FBN1: variants seen among roughly 807,000 people sequenced by gnomAD.
The protein encoded by FBN1 is fibrillin-1.
FBN1 carries 29 observed loss-of-function variants against 365.1 expected under a neutral mutation model. The observed-to-expected ratio is 0.08, with a 90% CI of 0.06 to 0.11. The LOEUF (loss-of-function observed/expected upper bound fraction) is 0.11, where lower values mean the gene tolerates loss of function less well. Ranked by LOEUF, FBN1 falls within the 10% of genes least tolerant of loss-of-function variation. The pLI, the probability that FBN1 is intolerant of heterozygous loss-of-function variation, is 1.00. For synonymous variants in FBN1, 1,210 were observed against 1,270.5 expected, an observed-to-expected ratio of 0.95 and a Z score of 1.01; for missense variants, 2,476 against 3,703.2, an observed-to-expected ratio of 0.67 and a Z score of 8.60.
intron 56 of FBN1, 92 bp downstream of exon 56, chr15:48,430,579 A>G: frequency 6.7e-7 from 1 of 1,486,304 alleles, no homozygotes; most frequent in Non-Finnish European, 9.4e-7. Context: ...GGTCTCGCCA[A>G]GAACAGTATC....
chr15:48,566,327 T>G (rs1435688546), intron 6 of FBN1, among the ~76,000 whole-genome samples: 1 of 152,244 alleles, frequency 6.6e-6, no homozygotes, highest in African/African-American at 2.4e-5. Context: ...TGGCTGAAAT[T>G]GAAGCCTTTC....
Position 48,613,034 on chromosome 15 carries a change from G to A in FBN1, c.223C>T (p.Pro75Ser), listed in dbSNP as rs886051252. 7 of 1,613,438 alleles carry A rather than the reference G, an allele frequency of 4.3e-6. No homozygotes were observed. The highest frequency in any genetic ancestry group is 1.7e-5 in the Admixed American group (1 of 60,022). ...AYCCPGWKTL[P>S]GGNQCIVPIC... ...CGGACAATACACTGATTTCCGCCAG[G>A]TAAGGTTTTCCATCCAGGGCAACAG... The change falls in exon 3 of 66, where the codon CCT becomes TCT. Residue 75 changes from proline (P) to serine (S), a missense_variant. By Grantham distance (74) the Pro-to-Ser change is moderately conservative. Coordinates refer to ENST00000316623, the MANE Select transcript of FBN1 (RefSeq NM_000138.5).
intron 43 of FBN1, among the ~76,000 whole-genome samples, chr15:48,459,707 T>C (rs979122430): frequency 1.3e-5 from 2 of 152,232 alleles, no homozygotes; most frequent in African/African-American, 2.4e-5. Context: ...CACAAGCATC[T>C]CTCCCAATGT....
chr15:48,432,785 C>T (rs2043033660), intron 55 of FBN1, 81 bp downstream of exon 55: 1 of 1,553,878 alleles, frequency 6.4e-7, no homozygotes, highest in Non-Finnish European at 8.9e-7. Context: ...CAGCCTTCTC[C>T]TACTAAGGGA....
At chr15:48,458,166 A>T (rs988253559) in intron 43 of FBN1, among the ~76,000 whole-genome samples, 3 of 152,172 alleles carry the variant, frequency 2.0e-5, no homozygotes, top group African/African-American at 7.2e-5. Flanking sequence ...TATAGTCAGG[A>T]GCCTTTGCAA....
At chr15:48,575,008 A>T (rs923071761) in intron 6 of FBN1, among the ~76,000 whole-genome samples, 2 of 152,264 alleles carry the variant, frequency 1.3e-5, no homozygotes, top group Non-Finnish European at 2.9e-5. Flanking sequence ...ACAGTTAGGC[A>T]TTCCTATAGG....
intron 22 of FBN1, among the ~76,000 whole-genome samples, chr15:48,494,756 AC>A (rs2043590031): frequency 6.6e-6 from 1 of 152,176 alleles, no homozygotes; most frequent in Non-Finnish European, 1.5e-5. Context: ...TTCACCAGAA[AC>A]CCTTATGAAG....
intron 34 of FBN1, 31 bp from the exon 35 acceptor site, chr15:48,472,707 T>G (rs375212545): frequency 3.1e-5 from 50 of 1,614,046 alleles, no homozygotes; most frequent in Non-Finnish European, 4.0e-5. Flanking sequence ...ACGTTACTCT[T>G]CCTCGGTTAG....
intron 52 of FBN1, 81 bp from the exon 53 acceptor site, chr15:48,437,158 T>A: frequency 8.4e-7 from 1 of 1,186,840 alleles, no homozygotes; most frequent in Non-Finnish European, 1.3e-6. Context: ...CAGTGTTTAA[T>A]CAAAAGATTA....
At chr15:48,462,114 A>T (rs999567880) in intron 42 of FBN1, among the ~76,000 whole-genome samples, 2 of 152,224 alleles carry the variant, frequency 1.3e-5, no homozygotes, top group Non-Finnish European at 2.9e-5. Context: ...TTTCTGTTGC[A>T]TGCAATGTCA....
At position 48,542,482 on chromosome 15, in the gene FBN1, C is replaced by A. The variant is rs543237293; in HGVS notation, c.539-4674G>T. Among the ~76,000 whole-genome samples, 3 of 152,268 alleles carry A rather than the reference C, an allele frequency of 2.0e-5. No homozygotes were observed. The East Asian group carries it at 5.8e-4, about 29-fold the overall frequency. On this transcript the variant is annotated intron_variant, in intron 6 of 65. Transcript: ENST00000316623. ...GCTCCTAATGTGTGGAATTTCAATA[C>A]AACTTTCTGAGGAAGGAGTTCAGAG...
intron 47 of FBN1, among the ~76,000 whole-genome samples, chr15:48,446,385 A>G (rs1264923024): frequency 6.6e-6 from 1 of 152,172 alleles, no homozygotes; most frequent in Admixed American, 6.6e-5. Context: ...TATTGATGTT[A>G]ATCTATTACC....
chr15:48,492,817 T>C (rs1244085932), intron 23 of FBN1, among the ~76,000 whole-genome samples: 1 of 152,184 alleles, frequency 6.6e-6, no homozygotes, highest in African/African-American at 2.4e-5. Flanking sequence ...GAATAACTTT[T>C]GAGTTGTAGA....
chr15:48,540,817 T>C (rs1040100678), intron 6 of FBN1, among the ~76,000 whole-genome samples: 1 of 152,216 alleles, frequency 6.6e-6, no homozygotes, highest in Admixed American at 6.5e-5. Flanking sequence ...TCAGGTTAGC[T>C]TGCCATATTC....
chr15:48,504,180 GT>G (rs1272206326), intron 16 of FBN1, among the ~76,000 whole-genome samples: 1 of 152,196 alleles, frequency 6.6e-6, no homozygotes, highest in Non-Finnish European at 1.5e-5. Context: ...GAGTATCATG[GT>G]TTACTAAAAT....
chr15:48,591,316 C>A (rs748625302), intron 6 of FBN1, among the ~76,000 whole-genome samples: 3 of 151,868 alleles, frequency 2.0e-5, no homozygotes, highest in Non-Finnish European at 4.4e-5. Context: ...AAAAAAATCA[C>A]ACACTGATTT....
chr15:48,495,411 A>G, intron 21 of FBN1, 58 bp downstream of exon 21: 1 of 1,602,144 alleles, frequency 6.2e-7, no homozygotes, highest in Admixed American at 1.7e-5. Context: ...GGAAAAGCTG[A>G]CATTAAGTAT....
At chr15:48,595,942 T>C (rs1467091055) in intron 6 of FBN1, among the ~76,000 whole-genome samples, 3 of 152,240 alleles carry the variant, frequency 2.0e-5, no homozygotes, top group African/African-American at 7.2e-5. Flanking sequence ...CTTAATTCAC[T>C]GGCATAATAA....
intron 6 of FBN1, among the ~76,000 whole-genome samples, chr15:48,564,495 A>G (rs2044245737): frequency 8.0e-6 from 1 of 124,672 alleles, no homozygotes; most frequent in Non-Finnish European, 1.5e-5. Flanking sequence ...AACTGCTTTC[A>G]GTGATTCAGG....
Sources: gnomAD v4.1 joint callset for allele counts (sites outside exome capture counted in the v4.1 genomes callset) on GRCh38, gnomAD v4.1.1 for gene constraint, MANE v1.5 for transcripts, NCBI Gene and HGNC (gene_info 2026-07-23, HGNC 2026-07-21) for gene names.